Variants in COL4A2 observed in about 807,000 individuals in gnomAD.
The protein encoded by COL4A2 is collagen type IV alpha 2 chain, also known as collagen alpha-2(IV) chain.
Under a neutral mutation model 200.2 loss-of-function variants are expected in COL4A2, and 99 were observed. That is an observed-to-expected ratio of 0.49 (90% CI 0.42 to 0.58). COL4A2 has a LOEUF of 0.58. Ranked by LOEUF, COL4A2 falls within the 20% of genes least tolerant of loss-of-function variation. COL4A2 has a pLI of 0.00. For synonymous variants in COL4A2, 897 were observed against 900.6 expected, an observed-to-expected ratio of 1.00 and a Z score of 0.07; for missense variants, 1,950 against 2,314.1, an observed-to-expected ratio of 0.84 and a Z score of 3.23.
At chr13:110,378,370 T>G (rs1030038367) in intron 4 of COL4A2, among the ~76,000 whole-genome samples, 6 of 152,212 alleles carry the variant, frequency 3.9e-5, no homozygotes, top group African/African-American at 1.4e-4. Context: ...ATTGTAGATA[T>G]AGGAAGGACC....
At chr13:110,433,990 G>A (rs1880779086) in intron 11 of COL4A2, among the ~76,000 whole-genome samples, 1 of 152,154 alleles carries the variant, frequency 6.6e-6, no homozygotes, top group Non-Finnish European at 1.5e-5. Context: ...TATGAAATGA[G>A]GATTATTTTG....
chr13:110,449,840 A>G, intron 19 of COL4A2, 51 bp downstream of exon 19: 1 of 1,508,450 alleles, frequency 6.6e-7, no homozygotes, highest in Non-Finnish European at 8.9e-7. Context: ...ACCTGCACTC[A>G]GGTCCTAGCA....
intron 4 of COL4A2, among the ~76,000 whole-genome samples, chr13:110,372,081 C>T (rs971195976): frequency 2.0e-5 from 3 of 152,146 alleles, no homozygotes; most frequent in Non-Finnish European, 4.4e-5. Flanking sequence ...ATTGTCCTTA[C>T]TCTAGTTGGC....
At chr13:110,319,394 G>A (rs1444615888) in intron 3 of COL4A2, among the ~76,000 whole-genome samples, 1 of 152,200 alleles carries the variant, frequency 6.6e-6, no homozygotes, top group Non-Finnish European at 1.5e-5. Context: ...ACCATGAGAT[G>A]CAAGTATAAT....
intron 16 of COL4A2, among the ~76,000 whole-genome samples, chr13:110,440,240 T>C (rs1881069136): frequency 1.3e-5 from 2 of 152,186 alleles, no homozygotes; most frequent in African/African-American, 2.4e-5. Context: ...AACCCAATTA[T>C]TTTTATCATG....
chr13:110,415,647 G>A (rs1001907944), intron 4 of COL4A2, among the ~76,000 whole-genome samples: 2 of 152,052 alleles, frequency 1.3e-5, no homozygotes, highest in Non-Finnish European at 2.9e-5. Flanking sequence ...TATATAGACC[G>A]CTTTTCAGTC....
rs1350948039 is a variant in COL4A2 at position 110,419,000 on chromosome 13, A to G, written c.181-5734A>G. Among the ~76,000 whole-genome samples, 5 of 152,188 alleles carry G rather than the reference A, an allele frequency of 3.3e-5. 1 individual carries two copies. The highest frequency in any genetic ancestry group is 1.5e-5 in the Non-Finnish European group (1 of 68,034). The stretch of plus-strand genomic sequence containing the variant: ...AGTAGTCCTTTCCACCTTTTGGGAC[A>G]TTTTACGTATTTGAAATGTGTGGCA... On this transcript the variant is annotated intron_variant, in intron 4 of 47. Transcript: ENST00000360467.
chr13:110,307,312 A>G lies in COL4A2; in HGVS notation c.-261A>G, dbSNP rs1884795734. On this transcript the variant is annotated 5_prime_UTR_variant, in exon 1 of 48. Coordinates refer to ENST00000360467, the MANE Select transcript of COL4A2 (RefSeq NM_001846.4). The surrounding 1 kb of genome is among the most constrained non-coding windows in gnomAD (Gnocchi z 5.0). ...TGTGGCTGCAGTGCGCCGGGACACCAGGGCTCCGCGCTCCGCACTCAAGAG... is the reference window on the plus strand; with the variant it reads ...TGTGGCTGCAGTGCGCCGGGACACCGGGGCTCCGCGCTCCGCACTCAAGAG... 2 of 339,874 alleles carry G rather than the reference A, an allele frequency of 5.9e-6. No individual in the cohort carries two copies. Among genetic ancestry groups the G allele is most frequent in the South Asian group, 8.7e-5 (1 of 11,542 alleles). The allele number at this position is 339,874 out of a possible 1,614,324, so 21.1% of individuals were successfully genotyped here.
intron 43 of COL4A2, 35 bp downstream of exon 43, chr13:110,503,516 C>A: frequency 1.5e-6 from 2 of 1,306,930 alleles, no homozygotes; most frequent in Non-Finnish European, 2.1e-6. Flanking sequence ...GAGCTAGTGG[C>A]TCAGCCCAGC....
chr13:110,473,351 C>T (rs369189516), intron 29 of COL4A2: 10 of 532,524 alleles, frequency 1.9e-5, no homozygotes, highest in East Asian at 1.7e-4. Context: ...GTAGCCAGTG[C>T]GATCTGGCCA....
chr13:110,424,640 C>CAACAA (rs1555328091), intron 4 of COL4A2, 94 bp from the exon 5 acceptor site: 89 of 699,464 alleles, frequency 1.3e-4, no homozygotes, highest in East Asian at 7.5e-4. Flanking sequence ...TCTTTAAAAA[C>CAACAA]AAAAAAAAAA....
intron 6 of COL4A2, 67 bp downstream of exon 6, chr13:110,425,064 TAAA>T (rs1880421672): frequency 6.3e-7 from 1 of 1,590,898 alleles, no homozygotes; most frequent in Admixed American, 1.7e-5. Context: ...TTTTGTGACT[TAAA>T]GAAACATTTT....
intron 4 of COL4A2, among the ~76,000 whole-genome samples, chr13:110,376,192 A>G (rs1318051471): frequency 2.6e-5 from 4 of 152,190 alleles, no homozygotes; most frequent in Non-Finnish European, 5.9e-5. Flanking sequence ...GCATTCCTAA[A>G]TCTCTTATGT....
chr13:110,473,353 A>T, intron 29 of COL4A2: 1 of 529,628 alleles, frequency 1.9e-6, no homozygotes, highest in Non-Finnish European at 3.3e-6. Flanking sequence ...AGCCAGTGCG[A>T]TCTGGCCATC....
chr13:110,355,257 A>C (rs1877143858), intron 3 of COL4A2, among the ~76,000 whole-genome samples: 1 of 126,454 alleles, frequency 7.9e-6, no homozygotes, highest in South Asian at 2.3e-4. Context: ...AGCTAGATTA[A>C]GATTCACCTG....
chr13:110,511,838 C>A, intron 47 of COL4A2, 96 bp from the exon 48 acceptor site: 2 of 1,572,442 alleles, frequency 1.3e-6, no homozygotes, highest in Non-Finnish European at 1.7e-6. Context: ...GTTTGCTGTT[C>A]AGTAAAAACA....
At chr13:110,460,861 T>C (rs374404980) in intron 22 of COL4A2, among the ~76,000 whole-genome samples, 26 of 152,340 alleles carry the variant, frequency 1.7e-4, no homozygotes, top group African/African-American at 6.3e-4. Context: ...GTCTGGTCTG[T>C]GTGTGAGGAA....
chr13:110,433,601 G>A (rs2139461743), intron 11 of COL4A2, among the ~76,000 whole-genome samples: 1 of 152,324 alleles, frequency 6.6e-6, no homozygotes, highest in East Asian at 1.9e-4. Context: ...CATTGGAGGG[G>A]GCGGACGGTA....
chr13:110,445,937 G>A, intron 17 of COL4A2, 55 bp downstream of exon 17: 1 of 1,596,732 alleles, frequency 6.3e-7, no homozygotes, highest in Non-Finnish European at 8.6e-7. Flanking sequence ...ACCCTGGCTG[G>A]CCTTACTCCC....
Sources: gnomAD v4.1 joint callset for allele counts (sites outside exome capture counted in the v4.1 genomes callset) on GRCh38, gnomAD v4.1.1 for gene constraint, Gnocchi (gnomAD v3.1) non-coding constraint, MANE v1.5 for transcripts, NCBI Gene and HGNC (gene_info 2026-07-23, HGNC 2026-07-21) for gene names.